Variants in DOCK9 observed in about 807,000 individuals in gnomAD.
The protein encoded by DOCK9 is dedicator of cytokinesis protein 9.
DOCK9 carries 89 observed loss-of-function variants against 263.3 expected under a neutral mutation model. The observed-to-expected ratio is 0.34, with a 90% confidence interval of 0.28 to 0.40. The LOEUF is 0.40. DOCK9 is among the 10% of genes least tolerant of loss of function. The probability of loss-of-function intolerance (pLI) is 1.00; values close to 1 mark genes in which losing one functional copy is unlikely to be tolerated. For synonymous variants in DOCK9, 976 were observed against 973.1 expected, an observed-to-expected ratio of 1.00 and a Z score of -0.06; for missense variants, 2,140 against 2,603.4, an observed-to-expected ratio of 0.82 and a Z score of 3.87.
chr13:98,906,650 A>C (rs183992924), intron 9 of DOCK9, among the ~76,000 whole-genome samples: 1 of 152,308 alleles, frequency 6.6e-6, no homozygotes, highest in East Asian at 1.9e-4. Context: ...TGGTGACAGA[A>C]CAAAGTCTCT....
intron 1 of DOCK9, among the ~76,000 whole-genome samples, chr13:99,061,778 T>C (rs940933658): frequency 6.6e-6 from 1 of 152,170 alleles, no homozygotes; most frequent in African/African-American, 2.4e-5. Flanking sequence ...ATTCCGGTAC[T>C]GTTTGGTTGT....
intron 1 of DOCK9, among the ~76,000 whole-genome samples, chr13:99,079,754 T>C (rs964581676): frequency 6.6e-6 from 1 of 152,126 alleles, no homozygotes; most frequent in Non-Finnish European, 1.5e-5. Context: ...AAAATCCCTC[T>C]CCAGGCCGGG....
Position 98,977,891 on chromosome 13 carries a change from T to C in DOCK9, c.19A>G (p.Arg7Gly). Residue 7 changes from arginine (R) to glycine (G), a missense_variant, in exon 1 of 53, where the codon AGG becomes GGG. Physicochemically the swap from Arg to Gly is moderately radical, Grantham distance 125. Transcript: ENST00000682017. Reference protein sequence around the residue: MQADKCRTSSRSVKKEL... With the variant: MQADKCGTSSRSVKKEL... ...TTTTTGACACTTCTACTACTTGTCC[T>C]GCATTTATCAGCCTGCATTCTCGGC... 1 of 1,595,562 alleles carries C rather than the reference T, an allele frequency of 6.3e-7. No individual in the cohort carries two copies. Among genetic ancestry groups the C allele is most frequent in the Non-Finnish European group, 8.5e-7 (1 of 1,170,170 alleles).
chr13:98,814,157 G>A (rs1380636479), intron 45 of DOCK9, among the ~76,000 whole-genome samples: 1 of 152,168 alleles, frequency 6.6e-6, no homozygotes. Context: ...ATCTAAGCAA[G>A]ACCATTTACC....
intron 10 of DOCK9, among the ~76,000 whole-genome samples, chr13:98,903,917 T>A (rs1268633831): frequency 5.9e-5 from 9 of 152,230 alleles, no homozygotes; most frequent in Non-Finnish European, 8.8e-5. Flanking sequence ...ATTTATGAGG[T>A]TCCTAAAATA....
At chr13:98,950,268 C>T in intron 2 of DOCK9, 3 of 778,212 alleles carry the variant, frequency 3.9e-6, no homozygotes, top group South Asian at 1.6e-5. Flanking sequence ...CGTGTTTCTG[C>T]CACGAGGAAT....
Position 98,810,097 on chromosome 13 carries a change from A to C in DOCK9, c.5253+72T>G, listed in dbSNP as rs374964640. Reference sequence around the variant, plus strand: ...CCATGGCCTGCTTCCTCTCTCACATATATGCAGGTCTGGGTATATGTCACA... The same window carrying C: ...CCATGGCCTGCTTCCTCTCTCACATCTATGCAGGTCTGGGTATATGTCACA... On this transcript the variant is annotated intron_variant, in intron 46 of 52. Coordinates refer to ENST00000682017, the MANE Select transcript of DOCK9 (RefSeq NM_001366683.2). 21 of 1,594,250 alleles carry C rather than the reference A, an allele frequency of 1.3e-5. 1 individual carries two copies. Among genetic ancestry groups the C allele is most frequent in the East Asian group, 1.1e-4 (5 of 44,708 alleles).
At chr13:99,002,995 T>G (rs149932106) in intron 1 of DOCK9, among the ~76,000 whole-genome samples, 1 of 151,740 alleles carries the variant, frequency 6.6e-6, no homozygotes, top group African/African-American at 2.4e-5. Context: ...TAGTTAACAA[T>G]AGAAGTCTGC....
intron 2 of DOCK9, among the ~76,000 whole-genome samples, chr13:98,931,774 T>A (rs1478398864): frequency 6.6e-6 from 1 of 151,996 alleles, no homozygotes; most frequent in Non-Finnish European, 1.5e-5. Flanking sequence ...ATTTTTGTAT[T>A]TTTAGTACAG....
At chr13:98,908,444 G>A (rs1168416863) in intron 9 of DOCK9, among the ~76,000 whole-genome samples, 1 of 151,894 alleles carries the variant, frequency 6.6e-6, no homozygotes, top group East Asian at 1.9e-4. Context: ...GTTTGTAGAG[G>A]CTAAAAACTG....
chr13:98,953,607 T>C (rs1048384144), intron 2 of DOCK9, among the ~76,000 whole-genome samples: 10 of 152,210 alleles, frequency 6.6e-5, no homozygotes, highest in Admixed American at 2.6e-4. Context: ...ATACTTCATG[T>C]TGAGAGAAAT....
rs759655858 is a variant in DOCK9, at chr13:98,888,529, T to C, written c.1808A>G (p.Tyr603Cys). The C allele has an allele frequency of 6.2e-7, 1 of 1,613,940 alleles. No individual in the cohort carries two copies. The highest frequency in any genetic ancestry group is 1.1e-5 in the South Asian group (1 of 91,072). The change falls in exon 17 of 53, where the codon TAC (tyrosine) becomes TGC (cysteine). Residue 603 changes from tyrosine to cysteine, a missense_variant. Transcript: ENST00000682017. The stretch of plus-strand genomic sequence containing the variant: ...GGTTTCAAATTGTTTTGTGGGAATG[T>C]ATGATGAATTAACATAATCTGCAAA... ...SDFPNYVNSS[Y>C]IPTKQFETCS...
chr13:98,993,615 G>T (rs1404469060), intron 1 of DOCK9, among the ~76,000 whole-genome samples: 1 of 152,202 alleles, frequency 6.6e-6, no homozygotes, highest in African/African-American at 2.4e-5. Context: ...ACTAGGTGGT[G>T]GCGGGCACCT....
At chr13:98,939,493 A>T (rs995172470) in intron 2 of DOCK9, among the ~76,000 whole-genome samples, 3 of 152,136 alleles carry the variant, frequency 2.0e-5, no homozygotes. Flanking sequence ...TTTACTTAGA[A>T]CTATCTCTTC....
intron 27 of DOCK9, among the ~76,000 whole-genome samples, chr13:98,875,242 CA>C (rs2043634941): frequency 6.6e-6 from 1 of 152,190 alleles, no homozygotes; most frequent in Non-Finnish European, 1.5e-5. Flanking sequence ...ACATTACAAA[CA>C]ACTGTTCAAA....
At chr13:99,046,708 T>G (rs2040450942) in intron 1 of DOCK9, among the ~76,000 whole-genome samples, 1 of 152,220 alleles carries the variant, frequency 6.6e-6, no homozygotes, top group South Asian at 2.1e-4. Context: ...TGGAAACCTG[T>G]TTTATTCAGA....
At chr13:98,920,275 C>T (rs2051713688) in intron 7 of DOCK9, among the ~76,000 whole-genome samples, 1 of 152,148 alleles carries the variant, frequency 6.6e-6, no homozygotes, top group Non-Finnish European at 1.5e-5. Context: ...AGGATAAGTA[C>T]ATAAGCCCTA....
At chr13:99,027,625 A>C (rs1384038306) in intron 1 of DOCK9, among the ~76,000 whole-genome samples, 1 of 152,248 alleles carries the variant, frequency 6.6e-6, no homozygotes, top group Non-Finnish European at 1.5e-5. Context: ...TGATACGGTA[A>C]ATGTGTGTAA....
intron 1 of DOCK9, among the ~76,000 whole-genome samples, chr13:99,057,687 C>A (rs2040989069): frequency 6.6e-6 from 1 of 152,168 alleles, no homozygotes; most frequent in Non-Finnish European, 1.5e-5. Flanking sequence ...GGAACAGCTT[C>A]AAAGCTGTTT....
Sources: gnomAD v4.1 joint callset for allele counts (sites outside exome capture counted in the v4.1 genomes callset) on GRCh38, gnomAD v4.1.1 for gene constraint, MANE v1.5 for transcripts, NCBI Gene and HGNC (gene_info 2026-07-23, HGNC 2026-07-21) for gene names.